UTP25: variants seen among roughly 807,000 people sequenced by gnomAD.
UTP25 encodes U3 small nucleolar RNA-associated protein 25 homolog.
Under a neutral mutation model 78.9 loss-of-function variants are expected in UTP25, and 50 were observed. The observed-to-expected ratio is 0.63, with a 90% CI of 0.50 to 0.80. UTP25 has a LOEUF of 0.80. UTP25 is among the 30% of genes least tolerant of loss of function. The pLI is 0.00. For missense variants in UTP25, 846 were observed against 911.3 expected, an observed-to-expected ratio of 0.93 and a Z score of 0.92; for synonymous variants, 329 against 336.5, an observed-to-expected ratio of 0.98 and a Z score of 0.24.
chr1:209,849,548 G>C (rs6675890), intron 11 of UTP25, among the ~76,000 whole-genome samples: 121,966 of 151,998 alleles, frequency 0.8, 49,372 homozygotes, highest in African/African-American at 0.93. Flanking sequence ...TCTCCCCCGT[G>C]TGCTTCACGT....
intron 10 of UTP25, chr1:209,843,184 A>G (rs951402259): frequency 3.5e-5 from 17 of 489,710 alleles, no homozygotes; most frequent in Non-Finnish European, 6.2e-5. Flanking sequence ...CTGACTGAAT[A>G]GTGTGGTGTG....
At chr1:209,834,950 TG>T in intron 4 of UTP25, 124 bp from the exon 5 acceptor site, 1 of 671,448 alleles carries the variant, frequency 1.5e-6, no homozygotes, top group Non-Finnish European at 2.5e-6. Context: ...GGCCAGAGGG[TG>T]GGGAAAGTCA....
At chr1:209,845,456 A>C (rs1040559553) in intron 11 of UTP25, among the ~76,000 whole-genome samples, 1 of 152,238 alleles carries the variant, frequency 6.6e-6, no homozygotes, top group Non-Finnish European at 1.5e-5. Flanking sequence ...GTGATTGTCT[A>C]TGGCAACTGT....
rs2078272744 is a variant in UTP25 at position 209,855,967 on chromosome 1, C to G, written c.*4520C>G. The G allele has an allele frequency of 6.6e-6, 1 of 152,442 alleles. No homozygotes were observed. The highest frequency in any genetic ancestry group is 1.5e-5 in the Non-Finnish European group (1 of 68,184). The allele number at this position is 152,442 out of a possible 1,614,324, so 9.4% of individuals were successfully genotyped here. ...GTCCTCACTGACCTCTGCAGCCTCT[C>G]TCATCTGCCAGTTTTGATTCCGCAA... On this transcript the variant is annotated 3_prime_UTR_variant, in exon 12 of 12. Transcript: ENST00000491415.
intron 11 of UTP25, among the ~76,000 whole-genome samples, chr1:209,850,101 T>C (rs979221281): frequency 6.6e-6 from 1 of 152,230 alleles, no homozygotes; most frequent in Non-Finnish European, 1.5e-5. Context: ...TGATGGTAGC[T>C]CTTTGGGCTC....
chr1:209,838,484 T>C (rs2078147367), intron 6 of UTP25, among the ~76,000 whole-genome samples: 1 of 152,208 alleles, frequency 6.6e-6, no homozygotes, highest in African/African-American at 2.4e-5. Context: ...ACTTGTTCCA[T>C]TTATTTATTC....
At position 209,835,170 on chromosome 1, in the gene UTP25, G is replaced by T; in HGVS notation, c.651+7G>T. On this transcript the variant is annotated splice_region_variant and intron_variant, in intron 5 of 11. Coordinates refer to ENST00000491415, the MANE Select transcript of UTP25 (RefSeq NM_014388.7). ...AACTACCCACGAGCTTAAAGTAAGT[G>T]TTGCTTGGTCATCCCGGTCACAAAT... The T allele has an allele frequency of 6.2e-7, 1 of 1,612,242 alleles. No homozygotes were observed. Among genetic ancestry groups the T allele is most frequent in the Non-Finnish European group, 8.5e-7 (1 of 1,178,474 alleles).
intron 11 of UTP25, among the ~76,000 whole-genome samples, chr1:209,847,015 A>C (rs1234013476): frequency 6.7e-6 from 1 of 148,398 alleles, no homozygotes; most frequent in Non-Finnish European, 1.5e-5. Context: ...ATGTGTGCAC[A>C]TGCACACGTG....
chr1:209,839,844 TG>T (rs1267227568), intron 7 of UTP25, among the ~76,000 whole-genome samples: 2 of 152,180 alleles, frequency 1.3e-5, no homozygotes, highest in African/African-American at 4.8e-5. Flanking sequence ...GTGCAGGATA[TG>T]TGTGCAACGG....
chr1:209,849,545 C>T (rs1209250536), intron 11 of UTP25, among the ~76,000 whole-genome samples: 1 of 151,950 alleles, frequency 6.6e-6, no homozygotes, highest in Non-Finnish European at 1.5e-5. Context: ...TCTTCTCCCC[C>T]GTGTGCTTCA....
In UTP25 at chr1:209,842,575, A is replaced by G. The variant is rs1343211099; in HGVS notation, c.1669-8A>G. The G allele has an allele frequency of 1.2e-6, 2 of 1,613,720 alleles. No homozygotes were observed. The highest frequency in any genetic ancestry group is 2.2e-5 in the South Asian group (2 of 91,018). ...TGTCCACCTAACGCTCTTGTTGACT[A>G]CTGGCAGGTGGCCGTGAGGAATGTC... is the stretch of plus-strand genomic sequence containing the variant. On this transcript the variant is annotated splice_region_variant and splice_polypyrimidine_tract_variant and intron_variant, in intron 9 of 11. Transcript: ENST00000491415.
intron 11 of UTP25, among the ~76,000 whole-genome samples, chr1:209,847,039 GTTTT>G (rs547953277): frequency 6.6e-6 from 1 of 151,638 alleles, no homozygotes; most frequent in Non-Finnish European, 1.5e-5. Context: ...ACACACACGT[GTTTT>G]TTTAAAAAAC....
At chr1:209,834,687 T>C (rs1188064952) in intron 4 of UTP25, among the ~76,000 whole-genome samples, 1 of 152,240 alleles carries the variant, frequency 6.6e-6, no homozygotes, top group East Asian at 1.9e-4. Context: ...ATTGATAACA[T>C]TTGGATATGC....
In UTP25 at chr1:209,842,663, A is replaced by G; in HGVS notation, c.1749A>G (p.Glu583=). The G allele has an allele frequency of 2.5e-6, 4 of 1,613,344 alleles. No individual in the cohort carries two copies. Among genetic ancestry groups the G allele is most frequent in the South Asian group, 1.1e-5 (1 of 90,752 alleles). ...TCCCACATGTCTTCCAGAGGATGGA[A>G]GCTGAAAACCTAGCTTCAGTGATTG... is the stretch of plus-strand genomic sequence containing the variant. ...VQLPHVFQRM[E]AENLASVIDA... Residue 583 remains glutamate, a synonymous_variant, in exon 10 of 12, where the codon GAA becomes GAG. Transcript: ENST00000491415.
rs777164727 is a variant in UTP25 at position 209,856,782 on chromosome 1, G to A, written c.*5335G>A. On this transcript the variant is annotated 3_prime_UTR_variant, in exon 12 of 12. Coordinates refer to ENST00000491415, the MANE Select transcript of UTP25 (RefSeq NM_014388.7). ...GGGTTGATGCTGGCCATTTGGTGGC[G>A]TGAGGAGTGGGCACTCACATGTCTC... The A allele has an allele frequency of 1.3e-5, 2 of 152,258 alleles. No homozygotes were observed. Among genetic ancestry groups the A allele is most frequent in the East Asian group, 1.9e-4 (1 of 5,196 alleles). 9.4% of individuals were successfully genotyped at this position (152,258 alleles called of 1,614,324 possible). A position where few individuals can be genotyped will look rare whatever the true frequency, so the allele number is the denominator to read the frequency against.
intron 11 of UTP25, among the ~76,000 whole-genome samples, chr1:209,845,271 C>T (rs2078191352): frequency 6.6e-6 from 1 of 152,208 alleles, no homozygotes; most frequent in Non-Finnish European, 1.5e-5. Flanking sequence ...TAATGAATGC[C>T]TGCTTGTTGC....
chr1:209,828,983 AGGGT>A (rs1215553280), intron 1 of UTP25, among the ~76,000 whole-genome samples: 1 of 151,696 alleles, frequency 6.6e-6, no homozygotes, highest in Non-Finnish European at 1.5e-5. Flanking sequence ...CATGTTAGCT[AGGGT>A]GGTCTCGAAC....
intron 4 of UTP25, among the ~76,000 whole-genome samples, chr1:209,834,146 GA>G (rs752589273): frequency 2.0e-5 from 3 of 152,182 alleles, no homozygotes; most frequent in Non-Finnish European, 4.4e-5. Flanking sequence ...TTAAAACTTA[GA>G]AACTTTGGAG....
chr1:209,842,360 C>G lies in UTP25; in HGVS notation c.1581C>G (p.Tyr527Ter). ...GGAGCCTCAATAATTGGTCCAAGTA[C>G]TATCGCCAGACACTGCTATTTGGGG... Reference protein sequence around the residue: ...RMWSLNNWSKYYRQTLLFGAL... With the variant: ...RMWSLNNWSK The change falls in exon 9 of 12, where the codon TAC becomes TAG. Residue 527 changes from tyrosine to a stop codon, truncating the protein, a stop_gained. Coordinates refer to ENST00000491415, the MANE Select transcript of UTP25 (RefSeq NM_014388.7). LOFTEE classifies it high-confidence loss of function. 1.2e-6 allele frequency: 2 copies of G among 1,614,154 alleles called. No homozygotes were observed. Among genetic ancestry groups the G allele is most frequent in the Non-Finnish European group, 8.5e-7 (1 of 1,179,992 alleles).
Sources: allele counts gnomAD v4.1 joint callset (sites outside exome capture counted in the v4.1 genomes callset), GRCh38; gene constraint gnomAD v4.1.1; transcripts MANE v1.5; gene names NCBI Gene and HGNC (gene_info 2026-07-23, HGNC 2026-07-21).